CLIC4: variants seen among roughly 807,000 people sequenced by gnomAD.
CLIC4 encodes the protein CLIC family member 4.
A neutral mutation model predicts 24.6 loss-of-function variants in CLIC4; 13 were observed. The observed-to-expected ratio is 0.53, with a 90% CI of 0.34 to 0.84. The LOEUF (loss-of-function observed/expected upper bound fraction) is 0.84. Among genes scored for constraint, CLIC4 ranks in the 40% least tolerant of loss-of-function variants. The probability of loss-of-function intolerance (pLI) is 0.01; values close to 1 mark genes in which losing one functional copy is unlikely to be tolerated. For missense variants in CLIC4, 227 were observed against 301.7 expected (o/e 0.75, Z 1.83); for synonymous variants, 104 against 111.3 (o/e 0.93, Z 0.41).
At chr1:24,772,559 C>T (rs1203034691) in intron 1 of CLIC4, among the ~76,000 whole-genome samples, 1 of 152,216 alleles carries the variant, frequency 6.6e-6, no homozygotes, top group Admixed American at 6.5e-5. Context: ...GATCTCAGCT[C>T]ACTGCAGTCT....
chr1:24,820,267 C>CTTTTTTGTTT (rs1639716109), intron 3 of CLIC4, among the ~76,000 whole-genome samples: 1 of 49,760 alleles, frequency 2.0e-5, no homozygotes, highest in Non-Finnish European at 3.2e-5. Context: ...CCTTTTTGGT[C>CTTTTTTGTTT]TTTTTTTTTT....
chr1:24,769,522 T>C (rs1639047030), intron 1 of CLIC4, among the ~76,000 whole-genome samples: 2 of 152,214 alleles, frequency 1.3e-5, no homozygotes, highest in African/African-American at 4.8e-5. Context: ...GTCTTTGGGA[T>C]TTCAGAACCT....
At chr1:24,792,321 A>G (rs2124125663) in intron 1 of CLIC4, among the ~76,000 whole-genome samples, 1 of 152,026 alleles carries the variant, frequency 6.6e-6, no homozygotes, top group South Asian at 2.1e-4. Context: ...CTCCTGAATA[A>G]CTGGGACTAT....
chr1:24,764,219 G>A (rs1638963952), intron 1 of CLIC4, among the ~76,000 whole-genome samples: 1 of 152,154 alleles, frequency 6.6e-6, no homozygotes, highest in South Asian at 2.1e-4. Flanking sequence ...TCCTGCCTCA[G>A]CCTCTCGAGT....
At chr1:24,795,052 G>C (rs555755723) in intron 1 of CLIC4, among the ~76,000 whole-genome samples, 1 of 152,184 alleles carries the variant, frequency 6.6e-6, no homozygotes, top group Non-Finnish European at 1.5e-5. Flanking sequence ...GATGGAAGGA[G>C]GGAGAGGATC....
intron 3 of CLIC4, among the ~76,000 whole-genome samples, chr1:24,815,946 C>T (rs1557811097): frequency 6.6e-6 from 1 of 152,176 alleles, no homozygotes; most frequent in Non-Finnish European, 1.5e-5. Context: ...ATGTTCTTAG[C>T]ATCTTCACTA....
intron 1 of CLIC4, among the ~76,000 whole-genome samples, chr1:24,755,152 G>A (rs1029475153): frequency 1.1e-4 from 16 of 151,346 alleles, no homozygotes; most frequent in Admixed American, 9.9e-4. Context: ...ATTTTTAGTA[G>A]AGATGGGGTT....
chr1:24,794,775 T>C (rs11249172), intron 1 of CLIC4, among the ~76,000 whole-genome samples: 2,917 of 152,310 alleles, frequency 0.019, 82 homozygotes, highest in African/African-American at 0.067. Context: ...CCAGTTCCTA[T>C]GTCCAGAATG....
intron 1 of CLIC4, among the ~76,000 whole-genome samples, chr1:24,765,630 G>A (rs1638984140): frequency 6.6e-6 from 1 of 152,156 alleles, no homozygotes; most frequent in African/African-American, 2.4e-5. Flanking sequence ...AGCAGCTATT[G>A]TCCTGATGAC....
At position 24,826,994 on chromosome 1, in the gene CLIC4, C is replaced by G. The variant is rs763150022; in HGVS notation, c.309-16C>G. On this transcript the variant is annotated splice_polypyrimidine_tract_variant and intron_variant, in intron 3 of 5. Transcript: ENST00000374379. ...TCTTTGAAGGATCTATAATCCATAT[C>G]ACTTTTTCTATTTAGGTACTTAAAG... 69 of 1,549,908 alleles carry G rather than the reference C, an allele frequency of 4.5e-5. No homozygotes were observed. The highest frequency in any genetic ancestry group is 5.1e-5 in the Non-Finnish European group (58 of 1,133,572).
intron 1 of CLIC4, among the ~76,000 whole-genome samples, chr1:24,781,444 G>T (rs1221890755): frequency 6.6e-6 from 1 of 151,254 alleles, no homozygotes; most frequent in Non-Finnish European, 1.5e-5. Flanking sequence ...GTCTGGCAAG[G>T]TAACTGAATT....
At chr1:24,813,820 G>T (rs1639641058) in intron 2 of CLIC4, among the ~76,000 whole-genome samples, 1 of 152,096 alleles carries the variant, frequency 6.6e-6, no homozygotes, top group South Asian at 2.1e-4. Context: ...CCAGGCTCAA[G>T]TGATCCTTCC....
At chr1:24,815,975 A>G (rs1016292798) in intron 3 of CLIC4, among the ~76,000 whole-genome samples, 3 of 152,218 alleles carry the variant, frequency 2.0e-5, no homozygotes, top group African/African-American at 7.2e-5. Context: ...TTCTATCTCA[A>G]GAAACCATTT....
In CLIC4 at chr1:24,843,062, T is replaced by G. The variant is rs1340938634; in HGVS notation, c.*2125T>G. 6.6e-6 allele frequency: 1 copy of G among 152,190 alleles called. No homozygotes were observed. Among genetic ancestry groups the G allele is most frequent in the Non-Finnish European group, 1.5e-5 (1 of 68,008 alleles). The allele number at this position is 152,190 out of a possible 1,614,324, so 9.4% of individuals were successfully genotyped here. On this transcript the variant is annotated 3_prime_UTR_variant, in exon 6 of 6. Coordinates refer to ENST00000374379, the MANE Select transcript of CLIC4 (RefSeq NM_013943.3). ...AATTCATTTTGAAACTCAAATATTT[T>G]CATTTTGGATATTCTCCTGTTTTTA...
At chr1:24,780,194 T>C (rs536013119) in intron 1 of CLIC4, among the ~76,000 whole-genome samples, 1 of 152,362 alleles carries the variant, frequency 6.6e-6, no homozygotes, top group Admixed American at 6.5e-5. Flanking sequence ...GTAGGTATTC[T>C]TCCCAACCAT....
intron 2 of CLIC4, among the ~76,000 whole-genome samples, chr1:24,808,447 T>A (rs890792432): frequency 2.0e-4 from 31 of 152,212 alleles, no homozygotes; most frequent in Admixed American, 5.2e-4. Context: ...CATTACACTG[T>A]GTTTAGGGAA....
At chr1:24,801,742 A>G (rs1053325333) in intron 2 of CLIC4, among the ~76,000 whole-genome samples, 4 of 152,166 alleles carry the variant, frequency 2.6e-5, no homozygotes, top group African/African-American at 7.2e-5. Flanking sequence ...CTTAAAATAC[A>G]TTTTTACTTA....
rs148516622 is a variant in CLIC4 at position 24,812,756 on chromosome 1, G to A, written c.183-1338G>A. 3.4e-3 allele frequency among the ~76,000 whole-genome samples: 511 copies of A among 152,168 alleles called. 4 individuals carry two copies. Among genetic ancestry groups the A allele is most frequent in the African/African-American group, 0.012 (488 of 41,524 alleles). ...TTTTTTTGAGACAGAGTATTGCTCT[G>A]TCACCAGGCTGGAGTGCAGTGGTGC... On this transcript the variant is annotated intron_variant, in intron 2 of 5. Coordinates refer to ENST00000374379, the MANE Select transcript of CLIC4 (RefSeq NM_013943.3).
At position 24,835,542 on chromosome 1, in the gene CLIC4, G is replaced by A. The variant is rs772760617; in HGVS notation, c.416-4318G>A. Among the ~76,000 whole-genome samples, 16 of 152,172 alleles carry A rather than the reference G, an allele frequency of 1.1e-4. No individual in the cohort carries two copies. In the East Asian group the frequency reaches 1.9e-3, roughly 18 times the overall value. ...TGCACCACTGCACTCCAGCCTGGGC[G>A]ACAGAGTGTGAGAATCTGTCTATAA... On this transcript the variant is annotated intron_variant, in intron 4 of 5. Coordinates refer to ENST00000374379, the MANE Select transcript of CLIC4 (RefSeq NM_013943.3).
Sources: allele counts gnomAD v4.1 joint callset (sites outside exome capture counted in the v4.1 genomes callset), GRCh38; gene constraint gnomAD v4.1.1; transcripts MANE v1.5; gene names NCBI Gene and HGNC (gene_info 2026-07-23, HGNC 2026-07-21).